The following NLRC3 variants were observed in gnomAD, a reference collection of about 807,000 sequenced individuals.
NLRC3 encodes the protein NLR family CARD domain containing 3.
NLRC3 carries 87 observed loss-of-function variants against 91.6 expected under a neutral mutation model. The observed-to-expected ratio is 0.95, with a 90% CI of 0.80 to 1.14. NLRC3 has a LOEUF of 1.14. Among genes scored for constraint, NLRC3 ranks in the 50% most tolerant of loss-of-function variants. The probability of loss-of-function intolerance (pLI) is 0.00; values close to 1 mark genes in which losing one functional copy is unlikely to be tolerated. For synonymous variants in NLRC3, 694 were observed against 625.3 expected (o/e 1.11, Z -1.64); for missense variants, 1,577 against 1,418.6 (o/e 1.11, Z -1.79).
chr16:3,564,245 G>A lies in NLRC3; in HGVS notation c.692C>T (p.Ser231Phe), dbSNP rs1429965902. The A allele has an allele frequency of 5.0e-6, 8 of 1,612,744 alleles. No individual in the cohort carries two copies. In the Admixed American group the frequency reaches 5.0e-5, roughly 10 times the overall value. ...LDECRTPLDFSNTVACTDPKK... is the reference protein window; with the variant it reads ...LDECRTPLDFFNTVACTDPKK... ...TGGGTCCGTGCAGGCCACGGTGTTG[G>A]AGAAGTCCAGAGGCGTCCTGCACTC... The change falls in exon 5 of 20, where the codon TCC becomes TTC. Residue 231 changes from serine to phenylalanine, a missense_variant. By Grantham distance (155) the Ser-to-Phe change is radical. Transcript: ENST00000359128. The surrounding 1 kb of genome is among the most constrained non-coding windows in gnomAD (Gnocchi z 5.9).
chr16:3,546,392 A>AT (rs1442070766), intron 15 of NLRC3, among the ~76,000 whole-genome samples: 2 of 148,332 alleles, frequency 1.3e-5, no homozygotes, highest in Non-Finnish European at 3.0e-5. Flanking sequence ...CCCCGTCTCT[A>AT]TTAAAAAAAA....
chr16:3,554,281 G>A lies in NLRC3; in HGVS notation c.2228C>T (p.Ala743Val), dbSNP rs2039173698. The A allele has an allele frequency of 6.2e-7, 1 of 1,613,882 alleles. No homozygotes were observed. Among genetic ancestry groups the A allele is most frequent in the African/African-American group, 1.3e-5 (1 of 75,068 alleles). ...GGTCCGGTTGGAGGCCAAGGCCTCA[G>A]CCATGGACCTGGCACCATCATCCCT... is the stretch of plus-strand genomic sequence containing the variant. ...TVRDDGARSMAEALASNRTLS... is the reference protein window; with the variant it reads ...TVRDDGARSMVEALASNRTLS... Residue 743 changes from alanine to valine, a missense_variant, in exon 9 of 20, where the codon GCT becomes GTT. Transcript: ENST00000359128.
intron 1 of NLRC3, among the ~76,000 whole-genome samples, chr16:3,567,589 C>T (rs930408545): frequency 1.3e-5 from 2 of 151,742 alleles, no homozygotes; most frequent in African/African-American, 4.8e-5. Context: ...GCCTGGCCAA[C>T]ATGGTGCAAC....
chr16:3,550,376 A>C (rs368291290), intron 11 of NLRC3, 38 bp downstream of exon 11: 1 of 1,409,738 alleles, frequency 7.1e-7, no homozygotes, highest in African/African-American at 1.4e-5. Flanking sequence ...CTGGAAAGAG[A>C]ACCCAGGGGG....
At chr16:3,547,558 A>G (rs2038756088) in intron 15 of NLRC3, among the ~76,000 whole-genome samples, 1 of 152,132 alleles carries the variant, frequency 6.6e-6, no homozygotes, top group African/African-American at 2.4e-5. Context: ...TATCTCAATC[A>G]AGCTGTCATA....
At position 3,564,881 on chromosome 16, in the gene NLRC3, G is replaced by T; in HGVS notation, c.156C>A (p.Ala52=). The T allele has an allele frequency of 6.2e-7, 1 of 1,607,938 alleles. No individual in the cohort carries two copies. Among genetic ancestry groups the T allele is most frequent in the Non-Finnish European group, 8.5e-7 (1 of 1,178,550 alleles). Residue 52 remains alanine (A), a synonymous_variant, in exon 4 of 20, where the codon GCC becomes GCA. Coordinates refer to ENST00000359128, the MANE Select transcript of NLRC3 (RefSeq NM_178844.4). This position sits in a 1 kb window ranked among gnomAD's most constrained non-coding sequence, Gnocchi z 5.9. ...APQALDRTPD[A]PLGPCSNDSR... ...TACCATTGCTGCAGGGCCCCAGCGG[G>T]GCATCCGGTGTCCTATCCAGGGCCT...
chr16:3,557,867 G>T (rs1298132513), intron 6 of NLRC3, among the ~76,000 whole-genome samples, 191 bp from the exon 7 acceptor site: 1 of 152,198 alleles, frequency 6.6e-6, no homozygotes, highest in Non-Finnish European at 1.5e-5. Flanking sequence ...GCAGCGTAGG[G>T]CCAGAGTGGG....
At position 3,556,948 on chromosome 16, in the gene NLRC3, C is replaced by T; in HGVS notation, c.2146G>A (p.Asp716Asn). 1 of 1,613,896 alleles carries T rather than the reference C, an allele frequency of 6.2e-7. No homozygotes were observed. The highest frequency in any genetic ancestry group is 8.5e-7 in the Non-Finnish European group (1 of 1,179,818). Residue 716 changes from aspartate to asparagine, a missense_variant, in exon 8 of 20, where the codon GAC becomes AAC. Asp to Asn is a conservative substitution (Grantham distance 23). Coordinates refer to ENST00000359128, the MANE Select transcript of NLRC3 (RefSeq NM_178844.4). ...IGPQGAKALA[D>N]ALKINRTLTS... ...AGGGTGCGGTTGATCTTCAAAGCGT[C>T]TGCCAGCGCCTTGGCCCCTTGTGGT...
chr16:3,569,386 A>ATATATAT (rs942055769), intron 1 of NLRC3, among the ~76,000 whole-genome samples: 3 of 105,368 alleles, frequency 2.8e-5, no homozygotes, highest in African/African-American at 4.3e-5. Flanking sequence ...ATATATATAT[A>ATATATAT]TATATATATT....
intron 1 of NLRC3, among the ~76,000 whole-genome samples, chr16:3,570,551 T>C (rs2040063756): frequency 6.6e-6 from 1 of 151,942 alleles, no homozygotes; most frequent in Admixed American, 6.6e-5. Flanking sequence ...GAATAAACTG[T>C]GAGTGACAAA....
chr16:3,543,452 G>T lies in NLRC3; in HGVS notation c.2912C>A (p.Ala971Asp), dbSNP rs758355362. 1 of 1,612,854 alleles carries T rather than the reference G, an allele frequency of 6.2e-7. No homozygotes were observed. The highest frequency in any genetic ancestry group is 1.7e-5 in the Admixed American group (1 of 59,898). Residue 971 changes from alanine (A) to aspartate (D), a missense_variant, in exon 17 of 20, where the codon GCT becomes GAT. Physicochemically the swap from Ala to Asp is moderately radical, Grantham distance 126 (BLOSUM62 -2). Coordinates refer to ENST00000359128, the MANE Select transcript of NLRC3 (RefSeq NM_178844.4). ...GAGAATCTCCAAGGTTCTGTTCACA[G>T]CCAAGGCTTCCCCTAGCACCTGGGC... The part of the protein sequence containing the change: ...SGAQVLGEAL[A>D]VNRTLEILDL...
intron 17 of NLRC3, chr16:3,543,112 C>T: frequency 4.1e-6 from 2 of 485,614 alleles, no homozygotes; most frequent in Admixed American, 3.4e-5. Flanking sequence ...GAGGACATGC[C>T]TGAGCCTCAG....
intron 1 of NLRC3, among the ~76,000 whole-genome samples, chr16:3,571,559 AAAG>A (rs2040097302): frequency 6.6e-6 from 1 of 150,886 alleles, no homozygotes; most frequent in Non-Finnish European, 1.5e-5. Context: ...AAAAAAAAAA[AAAG>A]CAGAATTCAT....
chr16:3,575,939 C>G (rs1271053218), intron 1 of NLRC3, among the ~76,000 whole-genome samples: 2 of 152,176 alleles, frequency 1.3e-5, no homozygotes, highest in African/African-American at 2.4e-5. Context: ...GGACTCGGTT[C>G]TCTCGAGGTG....
At chr16:3,572,734 C>T (rs2040142054) in intron 1 of NLRC3, among the ~76,000 whole-genome samples, 1 of 152,066 alleles carries the variant, frequency 6.6e-6, no homozygotes, top group Admixed American at 6.6e-5. Context: ...ATATGTGGGC[C>T]AGGCGCGGTG....
rs761546689 is a variant in NLRC3, at chr16:3,564,905, C to A, written c.132G>T (p.Gln44His). 6.2e-7 allele frequency: 1 copy of A among 1,609,916 alleles called. No individual in the cohort carries two copies. The highest frequency in any genetic ancestry group is 8.5e-7 in the Non-Finnish European group (1 of 1,179,680). Residue 44 changes from glutamine to histidine, a missense_variant, in exon 4 of 20, where the codon CAG becomes CAT. Physicochemically the swap from Gln to His is conservative, Grantham distance 24. Coordinates refer to ENST00000359128, the MANE Select transcript of NLRC3 (RefSeq NM_178844.4). This position sits in a 1 kb window ranked among gnomAD's most constrained non-coding sequence, Gnocchi z 5.9. ...GKGSQGSQAP[Q>H]ALDRTPDAPL... ...GGGCATCCGGTGTCCTATCCAGGGC[C>A]TGCGGGGCCTGGGAGCCTTGACTGC...
intron 1 of NLRC3, 69 bp downstream of exon 1, chr16:3,577,080 A>G (rs1372144641): frequency 2.8e-6 from 2 of 702,692 alleles, no homozygotes; most frequent in African/African-American, 3.5e-5. Flanking sequence ...CCTTAAGGCC[A>G]CTGTCCTTCC....
At position 3,563,643 on chromosome 16, in the gene NLRC3, C is replaced by T. The variant is rs183412509; in HGVS notation, c.1294G>A (p.Gly432Ser). ...TGCAGGAAGCAGCTGCACGGGGCGC[C>T]CTGCAGCAGAGCGAGGTCTACACCA... ...AFGVDLALLQGAPCSCFLQRE... is the reference protein window; with the variant it reads ...AFGVDLALLQSAPCSCFLQRE... The change falls in exon 5 of 20, where the codon GGC (glycine) becomes AGC (serine). Residue 432 changes from glycine to serine, a missense_variant. Transcript: ENST00000359128. The T allele has an allele frequency of 6.2e-7, 1 of 1,610,776 alleles. No homozygotes were observed. Among genetic ancestry groups the T allele is most frequent in the East Asian group, 2.2e-5 (1 of 44,664 alleles).
At chr16:3,549,007 T>C in intron 13 of NLRC3, 135 bp downstream of exon 13, 1 of 727,410 alleles carries the variant, frequency 1.4e-6, no homozygotes, top group Non-Finnish European at 2.4e-6. Flanking sequence ...CGATGTCAGG[T>C]CTCCTGGCTG....
Sources: gnomAD v4.1 joint callset for allele counts (sites outside exome capture counted in the v4.1 genomes callset) on GRCh38, gnomAD v4.1.1 for gene constraint, Gnocchi (gnomAD v3.1) non-coding constraint, MANE v1.5 for transcripts, NCBI Gene and HGNC (gene_info 2026-07-23, HGNC 2026-07-21) for gene names.